NPHP1: variants seen among roughly 807,000 people sequenced by gnomAD.
The protein encoded by NPHP1 is nephrocystin-1.
A neutral mutation model predicts 90.4 loss-of-function variants in NPHP1; 70 were observed. That is an observed-to-expected ratio of 0.77 (90% CI 0.64 to 0.95). The LOEUF is 0.95. Among genes scored for constraint, NPHP1 ranks in the 40% least tolerant of loss-of-function variants. NPHP1 has a pLI of 0.00. For missense variants in NPHP1, 764 were observed against 795.9 expected, an observed-to-expected ratio of 0.96 and a Z score of 0.48; for synonymous variants, 256 against 271.7, an observed-to-expected ratio of 0.94 and a Z score of 0.57.
intron 16 of NPHP1, among the ~76,000 whole-genome samples, chr2:110,137,841 T>C (rs1253826923): frequency 2.7e-4 from 40 of 150,914 alleles, no homozygotes; most frequent in Non-Finnish European, 2.2e-4. Context: ...ACCCAAAGGA[T>C]TATAAATCAT....
intron 1 of NPHP1, among the ~76,000 whole-genome samples, chr2:110,203,544 A>G (rs1559113177): frequency 6.6e-6 from 1 of 152,108 alleles, no homozygotes. Flanking sequence ...CACCACTGTG[A>G]TTCCAATACA....
chr2:110,136,130 T>C lies in NPHP1; in HGVS notation c.1530-4339A>G, dbSNP rs553987987. On this transcript the variant is annotated intron_variant, in intron 16 of 19. Transcript: ENST00000445609. ...TTTGACAAAATTCAACATCCCTTCA[T>C]GCTAAAAACTCTCAATAAATTAGGT... is the stretch of plus-strand genomic sequence containing the variant. Among the ~76,000 whole-genome samples, 336 of 152,280 alleles carry C rather than the reference T, an allele frequency of 2.2e-3. 2 individuals are homozygous for C. The highest frequency in any genetic ancestry group is 4.0e-3 in the Non-Finnish European group (269 of 68,020).
At chr2:110,175,946 T>G (rs906733695) in intron 4 of NPHP1, among the ~76,000 whole-genome samples, 1 of 152,102 alleles carries the variant, frequency 6.6e-6, no homozygotes, top group East Asian at 1.9e-4. Context: ...TGTCTTTGGG[T>G]TCACTGATCC....
intron 2 of NPHP1, chr2:110,185,081 G>T: frequency 1.7e-6 from 1 of 591,496 alleles, no homozygotes. Flanking sequence ...GTGGATTGAG[G>T]GCTCTATCCT....
chr2:110,182,376 AGCCAGAGAGAAAG>A (rs987785813), intron 2 of NPHP1, among the ~76,000 whole-genome samples: 2 of 152,016 alleles, frequency 1.3e-5, no homozygotes, highest in African/African-American at 4.8e-5. Flanking sequence ...AGTTAAAGGC[AGCCAGAGAGAAAG>A]GCCAGCTCAC....
intron 10 of NPHP1, among the ~76,000 whole-genome samples, chr2:110,161,162 T>C (rs909187132): frequency 6.6e-6 from 1 of 152,104 alleles, no homozygotes; most frequent in East Asian, 1.9e-4. Flanking sequence ...GGAGACCCTG[T>C]CTCAAAAATA....
chr2:110,181,159 G>C (rs1297486062), intron 2 of NPHP1, among the ~76,000 whole-genome samples: 1 of 152,184 alleles, frequency 6.6e-6, no homozygotes, highest in Non-Finnish European at 1.5e-5. Flanking sequence ...AGTTACCGGG[G>C]CAGGGGTGGC....
At chr2:110,147,764 C>T in intron 13 of NPHP1, 152 bp downstream of exon 13, 1 of 634,316 alleles carries the variant, frequency 1.6e-6, no homozygotes, top group Non-Finnish European at 2.9e-6. Context: ...AATCAGCACA[C>T]ATAAAATTAG....
chr2:110,172,742 C>A lies in NPHP1; in HGVS notation c.330-2744G>T, dbSNP rs541856529. 1.7e-3 allele frequency among the ~76,000 whole-genome samples: 254 copies of A among 152,172 alleles called. 1 individual carries two copies. The highest frequency in any genetic ancestry group is 1.6e-3 in the Admixed American group (25 of 15,280). On this transcript the variant is annotated intron_variant, in intron 4 of 19. Coordinates refer to ENST00000445609, the MANE Select transcript of NPHP1 (RefSeq NM_001128178.3). ...GACGTTGCAGTGAGCCAAGATTGCACCACTATACCCAGTCTGGGTAACGGA... is the reference window on the plus strand; with the variant it reads ...GACGTTGCAGTGAGCCAAGATTGCAACACTATACCCAGTCTGGGTAACGGA...
chr2:110,172,245 TTC>T (rs1428357533), intron 4 of NPHP1, among the ~76,000 whole-genome samples: 1 of 152,104 alleles, frequency 6.6e-6, no homozygotes, highest in Non-Finnish European at 1.5e-5. Context: ...TTGATTTTTT[TTC>T]TCTCTCTCTT....
chr2:110,144,263 C>T, intron 15 of NPHP1: 1 of 533,316 alleles, frequency 1.9e-6, no homozygotes, highest in Non-Finnish European at 3.4e-6. Context: ...GGAACTAATG[C>T]ATTAGTTCTC....
intron 4 of NPHP1, among the ~76,000 whole-genome samples, chr2:110,173,489 A>G (rs1000084553): frequency 2.6e-5 from 4 of 152,154 alleles, no homozygotes; most frequent in African/African-American, 4.8e-5. Flanking sequence ...GTTTCAGTCA[A>G]CAATGGGCCA....
At chr2:110,167,295 G>T (rs576962479) in intron 6 of NPHP1, among the ~76,000 whole-genome samples, 48 of 152,028 alleles carry the variant, frequency 3.2e-4, no homozygotes, top group African/African-American at 1.1e-3. Context: ...TTCAGGAAGG[G>T]GACAGGTTAC....
Position 110,178,626 on chromosome 2 carries a change from A to G in NPHP1, c.205-79T>C, listed in dbSNP as rs1049821892. 3.2e-4 allele frequency: 424 copies of G among 1,306,152 alleles called. 7 individuals carry two copies. Among genetic ancestry groups the G allele is most frequent in the Non-Finnish European group, 8.8e-5 (82 of 928,558 alleles). 80.9% of individuals were successfully genotyped at this position (1,306,152 alleles called of 1,614,324 possible). On this transcript the variant is annotated intron_variant, in intron 3 of 19. Transcript: ENST00000445609. ...TTCAAAAGAACAACAAAAAATTCCA[A>G]TAAGTGCTATATAACAAAGTAAATA...
intron 2 of NPHP1, among the ~76,000 whole-genome samples, chr2:110,198,073 C>T (rs926791515): frequency 2.6e-5 from 4 of 152,024 alleles, no homozygotes; most frequent in Non-Finnish European, 5.9e-5. Flanking sequence ...AAACTCTGAA[C>T]ACTGCAAAGA....
chr2:110,125,194 A>C, intron 19 of NPHP1: 2 of 1,531,932 alleles, frequency 1.3e-6, no homozygotes, highest in Non-Finnish European at 1.7e-6. Context: ...CTCACCGATT[A>C]AAGCAAGTTC....
intron 2 of NPHP1, among the ~76,000 whole-genome samples, chr2:110,194,378 C>A (rs1353216326): frequency 1.3e-5 from 2 of 152,144 alleles, no homozygotes; most frequent in African/African-American, 4.8e-5. Flanking sequence ...ACTATAAACA[C>A]CTCTATGCAA....
intron 12 of NPHP1, among the ~76,000 whole-genome samples, chr2:110,149,187 G>A (rs1681280929): frequency 6.6e-6 from 1 of 152,126 alleles, no homozygotes; most frequent in Non-Finnish European, 1.5e-5. Context: ...TACTAATTTT[G>A]CTGGAATAGG....
chr2:110,193,521 C>T (rs1255735764), intron 2 of NPHP1, among the ~76,000 whole-genome samples: 1 of 152,022 alleles, frequency 6.6e-6, no homozygotes, highest in Non-Finnish European at 1.5e-5. Flanking sequence ...TCCTTAGAGA[C>T]CTAGAAAGAG....
Sources: gnomAD v4.1 joint callset for allele counts (sites outside exome capture counted in the v4.1 genomes callset) on GRCh38, gnomAD v4.1.1 for gene constraint, MANE v1.5 for transcripts, NCBI Gene and HGNC (gene_info 2026-07-23, HGNC 2026-07-21) for gene names.